Variants in CNTN6 observed in about 807,000 individuals in gnomAD.
The protein encoded by CNTN6 is contactin-6.
Under a neutral mutation model 122.8 loss-of-function variants are expected in CNTN6, and 137 were observed. The observed-to-expected ratio is 1.12, with a 90% CI of 0.97 to 1.29. The LOEUF (loss-of-function observed/expected upper bound fraction) is 1.29. CNTN6 is among the 50% of genes most tolerant of loss of function. CNTN6 has a pLI of 0.00. For synonymous variants in CNTN6, 570 were observed against 426.0 expected (o/e 1.34, Z -4.16); for missense variants, 1,634 against 1,223.4 (o/e 1.34, Z -5.01).
At chr3:1,103,037 C>A (rs1371161416) in intron 1 of CNTN6, among the ~76,000 whole-genome samples, 1 of 151,348 alleles carries the variant, frequency 6.6e-6, no homozygotes. Context: ...ACCCGGGAGG[C>A]GGAGCTTGCA....
Position 1,329,809 on chromosome 3 carries a change from G to T in CNTN6, c.1238G>T (p.Ser413Ile). Residue 413 changes from serine to isoleucine, a missense_variant, in exon 11 of 23, where the codon AGT becomes ATT. By Grantham distance (142) the Ser-to-Ile change is moderately radical. Transcript: ENST00000446702. Reference sequence around the variant, plus strand: ...GCCTCAGCTCCAGATTTCTCCAAAAGTCCAGTTAAAAAAAAGTCTTTTGTT... The same window carrying T: ...GCCTCAGCTCCAGATTTCTCCAAAATTCCAGTTAAAAAAAAGTCTTTTGTT... Reference protein sequence around the residue: ...VLASAPDFSKSPVKKKSFVQV... With the variant: ...VLASAPDFSKIPVKKKSFVQV... The T allele has an allele frequency of 6.2e-7, 1 of 1,605,388 alleles. No individual in the cohort carries two copies. Among genetic ancestry groups the T allele is most frequent in the Non-Finnish European group, 8.5e-7 (1 of 1,176,762 alleles).
At chr3:1,191,350 C>G (rs933480853) in intron 2 of CNTN6, among the ~76,000 whole-genome samples, 4 of 152,110 alleles carry the variant, frequency 2.6e-5, no homozygotes, top group African/African-American at 9.7e-5. Context: ...GTCCCGTCTC[C>G]CATCCTCCAG....
chr3:1,102,467 C>T lies in CNTN6; in HGVS notation c.-83+9347C>T, dbSNP rs376296389. ...ACAGTCCTGCCGGGCGCGGTGGCTCCCGCCTGTAATCCCAGCACTTTGGGA... is the reference window on the plus strand; with the variant it reads ...ACAGTCCTGCCGGGCGCGGTGGCTCTCGCCTGTAATCCCAGCACTTTGGGA... On this transcript the variant is annotated intron_variant, in intron 1 of 22. Transcript: ENST00000446702. 3.3e-5 allele frequency among the ~76,000 whole-genome samples: 5 copies of T among 151,978 alleles called. No homozygotes were observed. In the South Asian group the frequency reaches 6.2e-4, roughly 19 times the overall value.
chr3:1,268,659 C>T lies in CNTN6; in HGVS notation c.359-9754C>T, dbSNP rs375346773. ...ATGTGGCAGTTCTTGGAATAAAATT[C>T]ACATATTTTTGACTTTAGGTCTCCT... On this transcript the variant is annotated intron_variant, in intron 4 of 22. Coordinates refer to ENST00000446702, the MANE Select transcript of CNTN6 (RefSeq NM_001289080.2). Among the ~76,000 whole-genome samples, 4 of 150,444 alleles carry T rather than the reference C, an allele frequency of 2.7e-5. No homozygotes were observed. The South Asian group carries it at 8.4e-4, about 32-fold the overall frequency.
chr3:1,184,107 T>C (rs12632937), intron 2 of CNTN6, among the ~76,000 whole-genome samples: 12,618 of 152,208 alleles, frequency 0.083, 1,427 homozygotes, highest in East Asian at 0.47. Context: ...TATAATCTTA[T>C]GTACCTGGTC....
chr3:1,350,657 T>C (rs957674854), intron 11 of CNTN6, among the ~76,000 whole-genome samples: 7 of 151,828 alleles, frequency 4.6e-5, no homozygotes, highest in African/African-American at 1.7e-4. Context: ...CTGGAAGTTA[T>C]GTGAAAAATT....
intron 2 of CNTN6, among the ~76,000 whole-genome samples, chr3:1,200,927 T>A (rs897045966): frequency 3.3e-5 from 4 of 120,632 alleles, no homozygotes; most frequent in Non-Finnish European, 7.8e-5. Context: ...CTTTCGTTCT[T>A]TTTTTCTTTT....
rs1425371061 is a variant in CNTN6, at chr3:1,278,399, C to T, written c.359-14C>T. On this transcript the variant is annotated splice_polypyrimidine_tract_variant and intron_variant, in intron 4 of 22. Coordinates refer to ENST00000446702, the MANE Select transcript of CNTN6 (RefSeq NM_001289080.2). ...AGTAACTAATTATAAATCTGCTTTT[C>T]TTTGTTTTCCAAGATATTGAAGACT... 1 of 1,539,356 alleles carries T rather than the reference C, an allele frequency of 6.5e-7. No individual in the cohort carries two copies. The highest frequency in any genetic ancestry group is 8.9e-7 in the Non-Finnish European group (1 of 1,127,804).
At chr3:1,290,107 T>C (rs908022770) in intron 5 of CNTN6, among the ~76,000 whole-genome samples, 1 of 152,168 alleles carries the variant, frequency 6.6e-6, no homozygotes, top group Non-Finnish European at 1.5e-5. Context: ...AGTCTGAGGG[T>C]GGAGCCCAGC....
Position 1,383,165 on chromosome 3 carries a change from CT to C in CNTN6, c.2391del (p.Glu799LysfsTer53), listed in dbSNP as rs771665807. The C allele has an allele frequency of 1.8e-5, 29 of 1,612,392 alleles. No homozygotes were observed. The highest frequency in any genetic ancestry group is 2.4e-5 in the Non-Finnish European group (28 of 1,178,640). On this transcript the variant is annotated frameshift_variant, in exon 18 of 23. Coordinates refer to ENST00000446702, the MANE Select transcript of CNTN6 (RefSeq NM_001289080.2). LOFTEE classifies it high-confidence loss of function. ...CTGAGTACTGTGACCATTGTCTACT[CT>C]GGGGAAGATGGTAAGTTGTCCTCAA... ...GSLSTVTIVY[S>X]GEDEPQLAPR...
chr3:1,215,715 G>T (rs1191729642), intron 2 of CNTN6, among the ~76,000 whole-genome samples: 2 of 152,048 alleles, frequency 1.3e-5, no homozygotes, highest in African/African-American at 4.8e-5. Context: ...CAATATATTT[G>T]CATAGTTACT....
Position 1,391,443 on chromosome 3 carries a change from A to G in CNTN6, c.2704+5646A>G, listed in dbSNP as rs1321308142. Among the ~76,000 whole-genome samples the G allele has an allele frequency of 1.2e-3, 107 of 88,332 alleles. 1 individual carries two copies. The highest frequency in any genetic ancestry group is 1.9e-3 in the Non-Finnish European group (92 of 47,300). The allele number at this position is 88,332 out of a possible 152,430, so 57.9% of individuals were successfully genotyped here. A position where few individuals can be genotyped will look rare whatever the true frequency, so the allele number is the denominator to read the frequency against. Reference sequence around the variant, plus strand: ...GCTATCTATGACAAACCCACAGCCAATATCATACTGAATGGGCAAAAACTG... The same window carrying G: ...GCTATCTATGACAAACCCACAGCCAGTATCATACTGAATGGGCAAAAACTG... On this transcript the variant is annotated intron_variant, in intron 20 of 22. Transcript: ENST00000446702.
chr3:1,153,357 A>C (rs901052485), intron 2 of CNTN6, among the ~76,000 whole-genome samples: 4 of 152,192 alleles, frequency 2.6e-5, no homozygotes, highest in Non-Finnish European at 5.9e-5. Flanking sequence ...TGTATTAATT[A>C]CTCTTGAAGA....
At chr3:1,388,451 C>T (rs1333989982) in intron 20 of CNTN6, among the ~76,000 whole-genome samples, 2 of 151,604 alleles carry the variant, frequency 1.3e-5, no homozygotes, top group South Asian at 4.2e-4. Context: ...ATAAAAACCA[C>T]AAAGATGGGG....
At chr3:1,168,491 A>T (rs2093301283) in intron 2 of CNTN6, among the ~76,000 whole-genome samples, 1 of 151,068 alleles carries the variant, frequency 6.6e-6, no homozygotes, top group Non-Finnish European at 1.5e-5. Context: ...CTGCCCTTTC[A>T]TCACTGGCAT....
chr3:1,215,836 A>AT, intron 2 of CNTN6, among the ~76,000 whole-genome samples: 1 of 150,916 alleles, frequency 6.6e-6, no homozygotes, highest in South Asian at 2.1e-4. Flanking sequence ...ATCTGGGAAC[A>AT]ATTTTTTTTC....
chr3:1,108,919 A>G (rs2091350361), intron 1 of CNTN6, among the ~76,000 whole-genome samples: 1 of 152,086 alleles, frequency 6.6e-6, no homozygotes, highest in South Asian at 2.1e-4. Flanking sequence ...TTAAGAGAAC[A>G]TAATAATTCA....
At chr3:1,350,775 T>C (rs1705502653) in intron 11 of CNTN6, among the ~76,000 whole-genome samples, 1 of 151,850 alleles carries the variant, frequency 6.6e-6, no homozygotes, top group Non-Finnish European at 1.5e-5. Context: ...TATTGGCCAA[T>C]AGTTCAGGTT....
intron 1 of CNTN6, among the ~76,000 whole-genome samples, chr3:1,102,336 C>T (rs1447225551): frequency 6.6e-6 from 1 of 152,180 alleles, no homozygotes; most frequent in African/African-American, 2.4e-5. Context: ...TCCTCTCTGG[C>T]ATCTATCAGG....
Sources: gnomAD v4.1 joint callset for allele counts (sites outside exome capture counted in the v4.1 genomes callset) on GRCh38, gnomAD v4.1.1 for gene constraint, MANE v1.5 for transcripts, NCBI Gene and HGNC (gene_info 2026-07-23, HGNC 2026-07-21) for gene names.